The following PIK3CB variants were observed in gnomAD, a reference collection of about 807,000 sequenced individuals.
PIK3CB encodes phosphatidylinositol-4,5-bisphosphate 3-kinase catalytic subunit beta.
Under a neutral mutation model 136.8 loss-of-function variants are expected in PIK3CB, and 39 were observed. The ratio of observed to expected loss-of-function variants is 0.29; its 90% CI spans 0.22 to 0.37. PIK3CB has a LOEUF of 0.37. Among genes scored for constraint, PIK3CB ranks in the 10% least tolerant of loss-of-function variants. The pLI, the probability that PIK3CB is intolerant of heterozygous loss-of-function variation, is 1.00. For missense variants in PIK3CB, 868 were observed against 1,275.4 expected (o/e 0.68, Z 4.87); for synonymous variants, 428 against 436.6 (o/e 0.98, Z 0.25).
At chr3:138,826,337 C>A in intron 1 of PIK3CB, 1 of 1,596,092 alleles carries the variant, frequency 6.3e-7, no homozygotes, top group Middle Eastern at 2.3e-4. Context: ...TGAATATTAT[C>A]CCTAATACCT....
intron 1 of PIK3CB, among the ~76,000 whole-genome samples, chr3:138,817,059 C>A (rs958049730): frequency 2.0e-5 from 3 of 151,456 alleles, no homozygotes; most frequent in Non-Finnish European, 2.9e-5. Context: ...AAAAAAAAGG[C>A]CGGGCGCGGT....
rs181155731 is a variant in PIK3CB at position 138,830,128 on chromosome 3, G to C, written c.-122+4567C>G. ...TTTGAACTCAACAAGAGAAGGAAAA[G>C]TCAAAGAGAGTGAAGAGGAGGAAAG... On this transcript the variant is annotated intron_variant, in intron 1 of 23. Coordinates refer to ENST00000674063, the MANE Select transcript of PIK3CB (RefSeq NM_006219.3). Among the ~76,000 whole-genome samples, 4 of 152,296 alleles carry C rather than the reference G, an allele frequency of 2.6e-5. No individual in the cohort carries two copies. In the East Asian group the frequency reaches 7.7e-4, roughly 29 times the overall value.
intron 1 of PIK3CB, among the ~76,000 whole-genome samples, chr3:138,819,577 A>G (rs1299629763): frequency 6.6e-6 from 1 of 152,192 alleles, no homozygotes; most frequent in Non-Finnish European, 1.5e-5. Flanking sequence ...TGGGCTATAC[A>G]TTAGAATAAG....
chr3:138,704,592 C>A, intron 11 of PIK3CB, 99 bp from the exon 12 acceptor site: 4 of 778,056 alleles, frequency 5.1e-6, no homozygotes, highest in Non-Finnish European at 9.0e-6. Flanking sequence ...TAAGATCTGG[C>A]ATTGCTATGC....
At chr3:138,659,355 C>T (rs979457820) in intron 21 of PIK3CB, among the ~76,000 whole-genome samples, 1 of 151,960 alleles carries the variant, frequency 6.6e-6, no homozygotes, top group African/African-American at 2.4e-5. Context: ...CTTCATTCTA[C>T]CCTTTATACT....
rs994171819 is a variant in PIK3CB at position 138,654,447 on chromosome 3, A to G, written c.*942T>C. Reference sequence around the variant, plus strand: ...AGAAGAGCTGGCATTTTTCTAAAATACTGAATTTCAGATCTGGAGTTTATT... The same window carrying G: ...AGAAGAGCTGGCATTTTTCTAAAATGCTGAATTTCAGATCTGGAGTTTATT... On this transcript the variant is annotated 3_prime_UTR_variant, in exon 24 of 24. Transcript: ENST00000674063. 4.4e-6 allele frequency: 1 copy of G among 228,194 alleles called. No individual in the cohort carries two copies. The highest frequency in any genetic ancestry group is 2.2e-5 in the African/African-American group (1 of 45,092). The allele number at this position is 228,194 out of a possible 1,614,324, so 14.1% of individuals were successfully genotyped here.
chr3:138,654,470 A>T lies in PIK3CB; in HGVS notation c.*919T>A, dbSNP rs1229318700. The stretch of plus-strand genomic sequence containing the variant: ...ATACTGAATTTCAGATCTGGAGTTT[A>T]TTCCATAAATAGGTTTCTTTTCATT... On this transcript the variant is annotated 3_prime_UTR_variant, in exon 24 of 24. Coordinates refer to ENST00000674063, the MANE Select transcript of PIK3CB (RefSeq NM_006219.3). 1 of 228,396 alleles carries T rather than the reference A, an allele frequency of 4.4e-6. No individual in the cohort carries two copies. The highest frequency in any genetic ancestry group is 8.7e-6 in the Non-Finnish European group (1 of 115,142). 14.1% of individuals were successfully genotyped at this position (228,396 alleles called of 1,614,324 possible). A position where few individuals can be genotyped will look rare whatever the true frequency, so the allele number is the denominator to read the frequency against.
At chr3:138,710,453 A>G (rs1253095130) in intron 10 of PIK3CB, among the ~76,000 whole-genome samples, 1 of 152,234 alleles carries the variant, frequency 6.6e-6, no homozygotes, top group African/African-American at 2.4e-5. Context: ...TCAAATTCAA[A>G]TTAGTTTACA....
intron 4 of PIK3CB, among the ~76,000 whole-genome samples, chr3:138,743,002 A>T (rs376384967): frequency 7.2e-5 from 11 of 152,154 alleles, no homozygotes; most frequent in African/African-American, 9.7e-5. Context: ...ATATTTTTTT[A>T]AAAAATACAA....
chr3:138,722,962 T>C (rs2044759037), intron 8 of PIK3CB, among the ~76,000 whole-genome samples: 1 of 152,016 alleles, frequency 6.6e-6, no homozygotes, highest in Non-Finnish European at 1.5e-5. Flanking sequence ...GAAATCTCTG[T>C]GTAATTTACC....
intron 2 of PIK3CB, chr3:138,778,737 A>G (rs2045888524): frequency 7.6e-6 from 2 of 262,762 alleles, no homozygotes; most frequent in South Asian, 4.6e-5. Context: ...TACTTTGTCA[A>G]GCTCATTTCC....
intron 9 of PIK3CB, among the ~76,000 whole-genome samples, chr3:138,712,711 C>A (rs988241996): frequency 6.6e-6 from 1 of 151,692 alleles, no homozygotes; most frequent in Non-Finnish European, 1.5e-5. Flanking sequence ...GAATTACAGG[C>A]ACCCGCCACC....
intron 1 of PIK3CB, among the ~76,000 whole-genome samples, chr3:138,829,392 T>C (rs2108929728): frequency 6.6e-6 from 1 of 151,840 alleles, no homozygotes; most frequent in Non-Finnish European, 1.5e-5. Flanking sequence ...AAAAATAGAG[T>C]AAGAACAGAG....
chr3:138,737,410 A>G, intron 6 of PIK3CB, among the ~76,000 whole-genome samples: 1 of 147,544 alleles, frequency 6.8e-6, no homozygotes, highest in Admixed American at 6.7e-5. Flanking sequence ...AAAAAAAAAA[A>G]AAAAAAAAAA....
At chr3:138,815,979 T>G (rs1040417181) in intron 1 of PIK3CB, among the ~76,000 whole-genome samples, 3 of 152,208 alleles carry the variant, frequency 2.0e-5, no homozygotes, top group African/African-American at 7.2e-5. Context: ...AGTGATAATC[T>G]TTTTACATAT....
chr3:138,772,404 G>A (rs1349594209), intron 2 of PIK3CB, among the ~76,000 whole-genome samples: 10 of 151,888 alleles, frequency 6.6e-5, no homozygotes, highest in Admixed American at 6.6e-4. Context: ...TCCAAAGGAA[G>A]GACTTAGGTT....
At chr3:138,823,848 A>G (rs909768937) in intron 1 of PIK3CB, among the ~76,000 whole-genome samples, 1 of 152,228 alleles carries the variant, frequency 6.6e-6, no homozygotes, top group Non-Finnish European at 1.5e-5. Flanking sequence ...CATTCATTTA[A>G]GCAAGTAAAG....
rs1277322816 is a variant in PIK3CB, at chr3:138,705,181, C to CAAA, written c.1531-691_1531-689dup. Among the ~76,000 whole-genome samples the CAAA allele has an allele frequency of 3.9e-4, 23 of 58,516 alleles. 1 individual carries two copies. In the East Asian group the frequency reaches 4.4e-3, roughly 11 times the overall value. 38.4% of individuals were successfully genotyped at this position (58,516 alleles called of 152,430 possible). Reference sequence around the variant, plus strand: ...AAAAAAAAAAAAAAAAAACAAAAAACAAAACAAACAAAAAAAAAAACTTAT... The same window carrying CAAA: ...AAAAAAAAAAAAAAAAAACAAAAAACAAAAAAACAAACAAAAAAAAAAACTTAT... On this transcript the variant is annotated intron_variant, in intron 11 of 23. Coordinates refer to ENST00000674063, the MANE Select transcript of PIK3CB (RefSeq NM_006219.3).
chr3:138,664,558 T>A (rs1443046796), intron 20 of PIK3CB, among the ~76,000 whole-genome samples: 1 of 152,208 alleles, frequency 6.6e-6, no homozygotes, highest in Admixed American at 6.5e-5. Context: ...GACTCTGAAG[T>A]CTTTAGCCAA....
Sources: allele counts gnomAD v4.1 joint callset (sites outside exome capture counted in the v4.1 genomes callset), GRCh38; gene constraint gnomAD v4.1.1; transcripts MANE v1.5; gene names NCBI Gene and HGNC (gene_info 2026-07-23, HGNC 2026-07-21).